XPR1: variants seen among roughly 807,000 people sequenced by gnomAD.
XPR1 encodes the protein xenotropic and polytropic retrovirus receptor 1.
Under a neutral mutation model 87.5 loss-of-function variants are expected in XPR1, and 28 were observed. That is an observed-to-expected ratio of 0.32 (90% CI 0.24 to 0.44). The LOEUF is 0.44. Among genes scored for constraint, XPR1 ranks in the 20% least tolerant of loss-of-function variants. XPR1 has a pLI of 1.00. For missense variants in XPR1, 559 were observed against 862.3 expected, an observed-to-expected ratio of 0.65 and a Z score of 4.41; for synonymous variants, 300 against 306.1, an observed-to-expected ratio of 0.98 and a Z score of 0.21.
Position 180,780,781 on chromosome 1 carries a change from AAG to A in XPR1, c.122-6968_122-6967del, listed in dbSNP as rs1648907151. Among the ~76,000 whole-genome samples, 3 of 151,880 alleles carry A rather than the reference AAG, an allele frequency of 2.0e-5. No individual in the cohort carries two copies. In the South Asian group the frequency reaches 6.3e-4, roughly 32 times the overall value. On this transcript the variant is annotated intron_variant, in intron 2 of 14. Coordinates refer to ENST00000367590, the MANE Select transcript of XPR1 (RefSeq NM_004736.4). ...AGACTCTGTCTCAAAAAAAAAAAAA[AAG>A]AGATGCAAGAGTTGAAAGTCCTTTT...
chr1:180,813,042 C>CG (rs997473159), intron 7 of XPR1, among the ~76,000 whole-genome samples: 11 of 138,210 alleles, frequency 8.0e-5, no homozygotes, highest in South Asian at 7.8e-4. Context: ...GTCTTTTTTC[C>CG]CCCCCCCCAA....
chr1:180,634,114 G>C (rs1654686809), intron 1 of XPR1, among the ~76,000 whole-genome samples: 1 of 152,150 alleles, frequency 6.6e-6, no homozygotes, highest in Non-Finnish European at 1.5e-5. Flanking sequence ...CATTGATTCT[G>C]GGACTCCTCA....
At chr1:180,717,691 G>C (rs952780635) in intron 2 of XPR1, among the ~76,000 whole-genome samples, 1 of 152,108 alleles carries the variant, frequency 6.6e-6, no homozygotes, top group Non-Finnish European at 1.5e-5. Flanking sequence ...TTAGTGGCAC[G>C]CTGGAACTGT....
At chr1:180,714,601 C>T (rs1459494192) in intron 2 of XPR1, among the ~76,000 whole-genome samples, 1 of 151,952 alleles carries the variant, frequency 6.6e-6, no homozygotes, top group East Asian at 1.9e-4. Flanking sequence ...GACAGGGTCT[C>T]ACTATGTTGC....
chr1:180,684,795 T>G (rs1269860003), intron 2 of XPR1, among the ~76,000 whole-genome samples: 3 of 152,212 alleles, frequency 2.0e-5, no homozygotes, highest in Non-Finnish European at 4.4e-5. Flanking sequence ...TGTTTGTCTG[T>G]TATTGGTGTA....
At position 180,852,090 on chromosome 1, in the gene XPR1, A is replaced by G. The variant is rs12750514; in HGVS notation, c.1502-11618A>G. On this transcript the variant is annotated intron_variant, in intron 11 of 14. Coordinates refer to ENST00000367590, the MANE Select transcript of XPR1 (RefSeq NM_004736.4). ...TGGTAAGGGAAATAGACTAATTACA[A>G]TAGAACATGGAAGTGCAATAATACT... Among the ~76,000 whole-genome samples, 1,243 of 152,054 alleles carry G rather than the reference A, an allele frequency of 8.2e-3. 10 individuals are homozygous for G. The highest frequency in any genetic ancestry group is 0.014 in the Non-Finnish European group (933 of 67,954).
intron 1 of XPR1, 49 bp downstream of exon 1, chr1:180,632,319 G>T (rs772195926): frequency 5.7e-6 from 9 of 1,580,498 alleles, no homozygotes; most frequent in Admixed American, 3.6e-5. Flanking sequence ...CCACCATCTC[G>T]CCAGTCCTGA....
chr1:180,801,073 T>A (rs994360727), intron 3 of XPR1, among the ~76,000 whole-genome samples: 2 of 152,248 alleles, frequency 1.3e-5, no homozygotes, highest in Non-Finnish European at 2.9e-5. Context: ...CAAAAACATC[T>A]GTCCTGTTGC....
At chr1:180,785,699 C>CAATT (rs1434351980) in intron 2 of XPR1, among the ~76,000 whole-genome samples, 1 of 151,798 alleles carries the variant, frequency 6.6e-6, no homozygotes, top group Non-Finnish European at 1.5e-5. Flanking sequence ...TTTTGCTGAA[C>CAATT]AATTGTATTT....
At chr1:180,826,098 TTC>T (rs1394993459) in intron 9 of XPR1, among the ~76,000 whole-genome samples, 3 of 152,056 alleles carry the variant, frequency 2.0e-5, no homozygotes, top group Non-Finnish European at 4.4e-5. Context: ...TTATAATAAG[TTC>T]TTTTTTTCTT....
At chr1:180,832,378 A>G (rs997662838) in intron 9 of XPR1, among the ~76,000 whole-genome samples, 7 of 152,164 alleles carry the variant, frequency 4.6e-5, no homozygotes, top group African/African-American at 1.7e-4. Context: ...TGCTGTGCAG[A>G]AGCTCTTTAA....
intron 6 of XPR1, among the ~76,000 whole-genome samples, chr1:180,808,390 A>G (rs886472030): frequency 6.6e-6 from 1 of 152,130 alleles, no homozygotes; most frequent in Non-Finnish European, 1.5e-5. Flanking sequence ...TCTAGAAGAA[A>G]ATATAGAAGA....
At chr1:180,831,502 C>T (rs1016567558) in intron 9 of XPR1, among the ~76,000 whole-genome samples, 8 of 151,306 alleles carry the variant, frequency 5.3e-5, no homozygotes, top group African/African-American at 1.7e-4. Flanking sequence ...ACCCATCAAC[C>T]CATCATCTAC....
At chr1:180,873,709 G>A (rs934506964) in intron 12 of XPR1, 94 bp from the exon 13 acceptor site, 1 of 1,383,788 alleles carries the variant, frequency 7.2e-7, no homozygotes, top group Non-Finnish European at 9.9e-7. Flanking sequence ...CGTAGGACAT[G>A]TGTGAGTCTT....
At chr1:180,779,867 C>T (rs1258404679) in intron 2 of XPR1, among the ~76,000 whole-genome samples, 1 of 152,140 alleles carries the variant, frequency 6.6e-6, no homozygotes, top group Non-Finnish European at 1.5e-5. Context: ...CACCACTCTA[C>T]TTTCTGTCTC....
intron 2 of XPR1, among the ~76,000 whole-genome samples, chr1:180,778,238 C>G (rs908093397): frequency 7.9e-5 from 12 of 152,276 alleles, no homozygotes; most frequent in African/African-American, 2.9e-4. Context: ...CCCACCTCGG[C>G]CTCCCAAAGC....
intron 11 of XPR1, among the ~76,000 whole-genome samples, chr1:180,853,665 A>ACC (rs1402871866): frequency 7.2e-6 from 1 of 139,520 alleles, no homozygotes; most frequent in African/African-American, 2.7e-5. Flanking sequence ...ACACACACAC[A>ACC]CACCCTACCT....
At chr1:180,671,416 A>G (rs909535495) in intron 1 of XPR1, among the ~76,000 whole-genome samples, 4 of 152,230 alleles carry the variant, frequency 2.6e-5, no homozygotes, top group African/African-American at 7.2e-5. Flanking sequence ...AGATCTGTAC[A>G]TGCATGAGTG....
intron 13 of XPR1, among the ~76,000 whole-genome samples, chr1:180,877,324 A>G (rs1652694822): frequency 6.6e-6 from 1 of 152,238 alleles, no homozygotes; most frequent in South Asian, 2.1e-4. Flanking sequence ...TGTTGGTGAA[A>G]GGATAGACAA....
Sources: allele counts gnomAD v4.1 joint callset (sites outside exome capture counted in the v4.1 genomes callset), GRCh38; gene constraint gnomAD v4.1.1; transcripts MANE v1.5; gene names NCBI Gene and HGNC (gene_info 2026-07-23, HGNC 2026-07-21).